SIGLEC10: variants seen among roughly 807,000 people sequenced by gnomAD.
SIGLEC10 encodes sialic acid-binding Ig-like lectin 10.
SIGLEC10 carries 45 observed loss-of-function variants against 68.3 expected under a neutral mutation model. The ratio of observed to expected loss-of-function variants is 0.66; its 90% CI spans 0.52 to 0.84. The LOEUF (loss-of-function observed/expected upper bound fraction) is 0.84. Ranked by LOEUF, SIGLEC10 falls within the 40% of genes least tolerant of loss-of-function variation. The pLI is 0.00. For missense variants in SIGLEC10, 789 were observed against 883.1 expected, an observed-to-expected ratio of 0.89 and a Z score of 1.35; for synonymous variants, 379 against 370.8, an observed-to-expected ratio of 1.02 and a Z score of -0.26.
rs1340825864 is a variant in SIGLEC10, at chr19:51,411,026, ACTCTGTTAT to A, written c.*64_*72del. On this transcript the variant is annotated 3_prime_UTR_variant, in exon 11 of 11. Coordinates refer to ENST00000339313, the MANE Select transcript of SIGLEC10 (RefSeq NM_033130.5). ...AGAGAGGGAGAGAAGGAAACTTTGCACTCTGTTATCTTCAACCTCTTACTCTACCTTCCT... is the reference window on the plus strand; with the variant it reads ...AGAGAGGGAGAGAAGGAAACTTTGCACTTCAACCTCTTACTCTACCTTCCT... The A allele has an allele frequency of 3.9e-5, 59 of 1,498,854 alleles. No homozygotes were observed. The highest frequency in any genetic ancestry group is 5.0e-5 in the Non-Finnish European group (56 of 1,111,128). The allele number at this position is 1,498,854 out of a possible 1,614,324, so 92.8% of individuals were successfully genotyped here.
intron 10 of SIGLEC10, among the ~76,000 whole-genome samples, chr19:51,411,886 T>G (rs1212123806): frequency 6.6e-6 from 1 of 151,592 alleles, no homozygotes; most frequent in East Asian, 2.0e-4. Flanking sequence ...TTCACACCTG[T>G]AATCCCAGCA....
chr19:51,414,490 T>G lies in SIGLEC10; in HGVS notation c.1641A>C (p.Ala547=), dbSNP rs1285918537. The change falls in exon 9 of 11, where the codon GCA becomes GCC. Residue 547 remains alanine, a synonymous_variant. Transcript: ENST00000339313. The surrounding 1 kb of genome is among the most constrained non-coding windows in gnomAD (Gnocchi z 4.1). ...LPDKKGLIST[A]FSNGAFLGIG... ...TTCCCAGAAACGCTCCGTTGGAGAATGCCGTTGAGATGAGTCCCTTCTTAT... is the reference window on the plus strand; with the variant it reads ...TTCCCAGAAACGCTCCGTTGGAGAAGGCCGTTGAGATGAGTCCCTTCTTAT... 2 of 1,613,870 alleles carry G rather than the reference T, an allele frequency of 1.2e-6. No individual in the cohort carries two copies. The highest frequency in any genetic ancestry group is 1.7e-6 in the Non-Finnish European group (2 of 1,179,992).
rs1987888954 is a variant in SIGLEC10 at position 51,410,248 on chromosome 19, A to G, written c.*851T>C. ...GTCATGGTGCTGTCAGGAGTGTAGC[A>G]GTGAGGACGACCAGAGGTCACTCTC... On this transcript the variant is annotated 3_prime_UTR_variant, in exon 11 of 11. Coordinates refer to ENST00000339313, the MANE Select transcript of SIGLEC10 (RefSeq NM_033130.5). The G allele has an allele frequency of 1.3e-5, 2 of 152,234 alleles. No homozygotes were observed. The highest frequency in any genetic ancestry group is 4.8e-5 in the African/African-American group (2 of 41,442). The allele number at this position is 152,234 out of a possible 1,614,324, so 9.4% of individuals were successfully genotyped here. A position where few individuals can be genotyped will look rare whatever the true frequency, so the allele number is the denominator to read the frequency against.
chr19:51,414,762 C>G lies in SIGLEC10; in HGVS notation c.1615+62G>C. The G allele has an allele frequency of 6.2e-7, 1 of 1,605,124 alleles. No individual in the cohort carries two copies. Among genetic ancestry groups the G allele is most frequent in the East Asian group, 2.2e-5 (1 of 44,830 alleles). ...CAAGCTCCTGCTCCAACCACAGGAC[C>G]CTACTCTTTGCCCCAGTCAGCTTCT... On this transcript the variant is annotated intron_variant, in intron 8 of 10. Coordinates refer to ENST00000339313, the MANE Select transcript of SIGLEC10 (RefSeq NM_033130.5). The surrounding 1 kb of genome is among the most constrained non-coding windows in gnomAD (Gnocchi z 4.1).
chr19:51,414,158 A>G lies in SIGLEC10; in HGVS notation c.1709+264T>C, dbSNP rs1212177796. On this transcript the variant is annotated intron_variant, in intron 9 of 10. Transcript: ENST00000339313. This position sits in a 1 kb window ranked among gnomAD's most constrained non-coding sequence, Gnocchi z 4.1. ...CAGCTGTTTAATTGATCACAGGTTC[A>G]TATTATTACTAACAAGCTTCAGCTG... is the stretch of plus-strand genomic sequence containing the variant. 3.6e-6 allele frequency: 2 copies of G among 563,046 alleles called. No individual in the cohort carries two copies. The highest frequency in any genetic ancestry group is 1.9e-5 in the African/African-American group (1 of 53,198). The allele number at this position is 563,046 out of a possible 1,614,324, so 34.9% of individuals were successfully genotyped here.
Position 51,411,186 on chromosome 19 carries a change from C to T in SIGLEC10, c.2007G>A (p.Thr669=), listed in dbSNP as rs770256826. 2.8e-5 allele frequency: 46 copies of T among 1,614,054 alleles called. No individual in the cohort carries two copies. Among genetic ancestry groups the T allele is most frequent in the African/African-American group, 5.3e-5 (4 of 74,904 alleles). Residue 669 remains threonine, a synonymous_variant, in exon 11 of 11, where the codon ACG becomes ACA. Transcript: ENST00000339313. The stretch of plus-strand genomic sequence containing the variant: ...TGGGTCTGACGCCTGGGAAGTTGAG[C>T]GTGGCATAATGGAGCTCCTCTTGGC... ...QESQEELHYA[T]LNFPGVRPRP...
In SIGLEC10 at chr19:51,410,329, A is replaced by G. The variant is rs1378584513; in HGVS notation, c.*770T>C. On this transcript the variant is annotated 3_prime_UTR_variant, in exon 11 of 11. Transcript: ENST00000339313. ...TGGCTTCTTTACTGCAATCTGTTTT[A>G]TCAGCAAAGTCTTTATGACCTGTAT... 1 of 152,174 alleles carries G rather than the reference A, an allele frequency of 6.6e-6. No individual in the cohort carries two copies. Among genetic ancestry groups the G allele is most frequent in the Non-Finnish European group, 1.5e-5 (1 of 68,038 alleles). 9.4% of individuals were successfully genotyped at this position (152,174 alleles called of 1,614,324 possible).
At position 51,414,200 on chromosome 19, in the gene SIGLEC10, A is replaced by C. The variant is rs139203249; in HGVS notation, c.1709+222T>G. The C allele has an allele frequency of 1.7e-5, 10 of 585,282 alleles. 1 individual carries two copies. The highest frequency in any genetic ancestry group is 2.9e-5 in the East Asian group (1 of 35,056). The allele number at this position is 585,282 out of a possible 1,614,324, so 36.3% of individuals were successfully genotyped here. On this transcript the variant is annotated intron_variant, in intron 9 of 10. Transcript: ENST00000339313. This position sits in a 1 kb window ranked among gnomAD's most constrained non-coding sequence, Gnocchi z 4.1. ...CTTCAGCTGTGCCTAATTACAAGAA[A>C]CACTTCGCTTGGGGCGTGACTGCCC...
chr19:51,417,508 T>C, intron 1 of SIGLEC10, 37 bp downstream of exon 1: 1 of 1,614,086 alleles, frequency 6.2e-7, no homozygotes, highest in Non-Finnish European at 8.5e-7. Flanking sequence ...CAGCCCTAGC[T>C]CCGCCCCAGG....
chr19:51,415,402 A>G lies in SIGLEC10; in HGVS notation c.1109T>C (p.Val370Ala), dbSNP rs202072488. 14 of 1,606,970 alleles carry G rather than the reference A, an allele frequency of 8.7e-6. No individual in the cohort carries two copies. The African/African-American group carries it at 1.7e-4, about 20-fold the overall frequency. ...ENLGNGTSLP[V>A]LEGQSLCLVC... ...CAGGCACAGGCTTTGGCCCTCCAGTACTGGGAGAGACGTGCCGTTCCCAAG... is the reference window on the plus strand; with the variant it reads ...CAGGCACAGGCTTTGGCCCTCCAGTGCTGGGAGAGACGTGCCGTTCCCAAG... The change falls in exon 7 of 11, where the codon GTA (valine) becomes GCA (alanine). Residue 370 changes from valine (V) to alanine (A), a missense_variant. Coordinates refer to ENST00000339313, the MANE Select transcript of SIGLEC10 (RefSeq NM_033130.5).
chr19:51,411,821 G>A (rs527657085), intron 10 of SIGLEC10, among the ~76,000 whole-genome samples: 11 of 150,428 alleles, frequency 7.3e-5, no homozygotes, highest in African/African-American at 2.2e-4. Context: ...ACTCCAGCCC[G>A]GACAACAGAG....
In SIGLEC10 at chr19:51,411,254, G is replaced by C. The variant is rs1568493075; in HGVS notation, c.1939C>G (p.Pro647Ala). Residue 647 changes from proline to alanine, a missense_variant, in exon 11 of 11, where the codon CCA becomes GCA. By Grantham distance (27) the Pro-to-Ala change is conservative (BLOSUM62 -1). Coordinates refer to ENST00000339313, the MANE Select transcript of SIGLEC10 (RefSeq NM_033130.5). ...QKKQYQLPSF[P>A]EPKSSTQAPE... ...GCTTGAGTGGATGATTTGGGTTCTGGGAAACTGGGCAACTGATACTGCTTT... is the reference window on the plus strand; with the variant it reads ...GCTTGAGTGGATGATTTGGGTTCTGCGAAACTGGGCAACTGATACTGCTTT... 6.2e-7 allele frequency: 1 copy of C among 1,614,144 alleles called. No individual in the cohort carries two copies. The highest frequency in any genetic ancestry group is 2.2e-5 in the East Asian group (1 of 44,866).
chr19:51,416,513 C>G, intron 3 of SIGLEC10, 153 bp downstream of exon 3: 1 of 1,579,874 alleles, frequency 6.3e-7, no homozygotes, highest in Non-Finnish European at 8.6e-7. Context: ...CATTCCCATC[C>G]CCCTCCCAGG....
Position 51,417,082 on chromosome 19 carries a change from C to G in SIGLEC10, c.421G>C (p.Ala141Pro). ...MNDGFFLKVT[A>P]LTQKPDVYIP... ...CAGGGGTTCCCACCCCATTCCATAC[C>G]TGTTACTTTTAGAAAGAACCCATCG... Residue 141 changes from alanine (A) to proline (P), a missense_variant and splice_region_variant, in exon 2 of 11, where the codon GCC (alanine) becomes CCC (proline). Transcript: ENST00000339313. The G allele has an allele frequency of 2.5e-6, 4 of 1,613,748 alleles. No homozygotes were observed. Among genetic ancestry groups the G allele is most frequent in the Non-Finnish European group, 3.4e-6 (4 of 1,179,702 alleles).
In SIGLEC10 at chr19:51,413,423, CAT is replaced by C. The variant is rs145537276; in HGVS notation, c.1821+287_1821+288del. Reference sequence around the variant, plus strand: ...TAATTGTTAAGCAGTTAAGTGTAGTCATGTCAATGGTGGCAGTAATAATGGAA... The same window carrying C: ...TAATTGTTAAGCAGTTAAGTGTAGTCGTCAATGGTGGCAGTAATAATGGAA... On this transcript the variant is annotated intron_variant, in intron 10 of 10. Coordinates refer to ENST00000339313, the MANE Select transcript of SIGLEC10 (RefSeq NM_033130.5). Among the ~76,000 whole-genome samples, 1,240 of 152,240 alleles carry C rather than the reference CAT, an allele frequency of 8.1e-3. 16 individuals are homozygous for C. The highest frequency in any genetic ancestry group is 0.029 in the African/African-American group (1,191 of 41,526).
chr19:51,417,266 A>G lies in SIGLEC10; in HGVS notation c.237T>C (p.Ser79=). 1 of 1,613,832 alleles carries G rather than the reference A, an allele frequency of 6.2e-7. No individual in the cohort carries two copies. The highest frequency in any genetic ancestry group is 8.5e-7 in the Non-Finnish European group (1 of 1,179,946). Residue 79 remains serine, a synonymous_variant, in exon 2 of 11, where the codon AGT becomes AGC. Coordinates refer to ENST00000339313, the MANE Select transcript of SIGLEC10 (RefSeq NM_033130.5). ...CCCGGGTGCTCATTTCCACCTCTCG[A>G]CTCTGGTGGTTTGTGGCCACAGGAG... is the stretch of plus-strand genomic sequence containing the variant. ...KGAPVATNHQ[S]REVEMSTRGR...
chr19:51,412,144 A>T (rs1415603485), intron 10 of SIGLEC10, among the ~76,000 whole-genome samples: 1 of 152,126 alleles, frequency 6.6e-6, no homozygotes, highest in African/African-American at 2.4e-5. Flanking sequence ...TCCCATCTCA[A>T]AAAATAAAAT....
intron 10 of SIGLEC10, among the ~76,000 whole-genome samples, chr19:51,413,357 G>A (rs574057793): frequency 6.6e-6 from 1 of 152,260 alleles, no homozygotes; most frequent in Admixed American, 6.5e-5. Flanking sequence ...CAGACCCCCT[G>A]TGCTGAATCC....
chr19:51,415,669 T>C (rs944263290), intron 5 of SIGLEC10, 54 bp from the exon 6 acceptor site: 40 of 1,613,022 alleles, frequency 2.5e-5, no homozygotes, highest in African/African-American at 9.4e-5. Flanking sequence ...TCCCTCTGGG[T>C]AAAGGGAACC....
Sources: allele counts gnomAD v4.1 joint callset (sites outside exome capture counted in the v4.1 genomes callset), GRCh38; gene constraint gnomAD v4.1.1; non-coding constraint Gnocchi (gnomAD v3.1); transcripts MANE v1.5; gene names NCBI Gene and HGNC (gene_info 2026-07-23, HGNC 2026-07-21).